Variants in KNTC1 observed in about 807,000 individuals in gnomAD.
KNTC1 encodes the protein kinetochore-associated protein 1.
Under a neutral mutation model 314.4 loss-of-function variants are expected in KNTC1, and 253 were observed. The observed-to-expected ratio is 0.80, with a 90% CI of 0.73 to 0.89. The LOEUF (loss-of-function observed/expected upper bound fraction) is 0.89. Among genes scored for constraint, KNTC1 ranks in the 40% least tolerant of loss-of-function variants. KNTC1 has a pLI of 0.00. For synonymous variants in KNTC1, 901 were observed against 901.4 expected (o/e 1.00, Z 0.01); for missense variants, 2,475 against 2,572.9 (o/e 0.96, Z 0.82).
chr12:122,606,788 G>A lies in KNTC1; in HGVS notation c.5496+1373G>A, dbSNP rs114432807. 8.2e-3 allele frequency among the ~76,000 whole-genome samples: 1,249 copies of A among 151,404 alleles called. 17 individuals carry two copies. Among genetic ancestry groups the A allele is most frequent in the African/African-American group, 0.029 (1,206 of 41,256 alleles). ...TCTCCTCTATAATTGATACTCTTAC[G>A]ATATTTTTCTGAACCATTGGAGAGT... On this transcript the variant is annotated intron_variant, in intron 51 of 63. Transcript: ENST00000333479.
At position 122,617,448 on chromosome 12, in the gene KNTC1, T is replaced by C. The variant is rs1189923958; in HGVS notation, c.6031-895T>C. Reference sequence around the variant, plus strand: ...ATGTTGCCTAGGCTGGTCTTAGAACTCCTGAGCTGAAACAATCCTCCTGCC... The same window carrying C: ...ATGTTGCCTAGGCTGGTCTTAGAACCCCTGAGCTGAAACAATCCTCCTGCC... On this transcript the variant is annotated intron_variant, in intron 57 of 63. Coordinates refer to ENST00000333479, the MANE Select transcript of KNTC1 (RefSeq NM_014708.6). 3 of 445,056 alleles carry C rather than the reference T, an allele frequency of 6.7e-6. 1 individual carries two copies. The highest frequency in any genetic ancestry group is 4.8e-5 in the South Asian group (3 of 62,692). 27.6% of individuals were successfully genotyped at this position (445,056 alleles called of 1,614,324 possible).
rs769780545 is a variant in KNTC1 at position 122,561,914 on chromosome 12, T to C, written c.1489-7T>C. Reference sequence around the variant, plus strand: ...TTCTAACTGTATTTCTTATTATTCTTACTTAGCTTTTGAAGAAAGAAGATA... The same window carrying C: ...TTCTAACTGTATTTCTTATTATTCTCACTTAGCTTTTGAAGAAAGAAGATA... On this transcript the variant is annotated splice_region_variant and splice_polypyrimidine_tract_variant and intron_variant, in intron 18 of 63. Transcript: ENST00000333479. 1.3e-6 allele frequency: 2 copies of C among 1,563,330 alleles called. No homozygotes were observed. The highest frequency in any genetic ancestry group is 1.7e-5 in the Admixed American group (1 of 58,506).
In KNTC1 at chr12:122,543,327, A is replaced by G. The variant is rs140657316; in HGVS notation, c.524-273A>G. ...TGATGGAGCTAGAAACGTAAGAGCTATTCCAAACAGTGAGAAGCACAGGAG... is the reference window on the plus strand; with the variant it reads ...TGATGGAGCTAGAAACGTAAGAGCTGTTCCAAACAGTGAGAAGCACAGGAG... On this transcript the variant is annotated intron_variant, in intron 6 of 63. Transcript: ENST00000333479. Among the ~76,000 whole-genome samples the G allele has an allele frequency of 9.2e-5, 14 of 152,374 alleles. No individual in the cohort carries two copies. The East Asian group carries it at 2.5e-3, about 27-fold the overall frequency.
At chr12:122,534,596 C>G in intron 2 of KNTC1, 68 bp from the exon 3 acceptor site, 1 of 1,413,186 alleles carries the variant, frequency 7.1e-7, no homozygotes, top group Non-Finnish European at 9.7e-7. Flanking sequence ...TTTGATGATA[C>G]TATTGATAAG....
intron 45 of KNTC1, 74 bp from the exon 46 acceptor site, chr12:122,602,495 T>A: frequency 1.1e-6 from 1 of 887,696 alleles, no homozygotes; most frequent in Non-Finnish European, 1.7e-6. Flanking sequence ...TTTGATGGTA[T>A]ACTATTAGAT....
intron 51 of KNTC1, among the ~76,000 whole-genome samples, chr12:122,606,686 T>C (rs1331368453): frequency 1.3e-5 from 2 of 152,124 alleles, no homozygotes; most frequent in Non-Finnish European, 2.9e-5. Context: ...AATGCAAAAA[T>C]AGTAAAAAAA....
chr12:122,610,469 T>C (rs551228717), intron 52 of KNTC1, among the ~76,000 whole-genome samples: 20 of 152,344 alleles, frequency 1.3e-4, no homozygotes, highest in Non-Finnish European at 2.8e-4. Context: ...AACAAGGTCC[T>C]GCATACCAAA....
intron 3 of KNTC1, among the ~76,000 whole-genome samples, chr12:122,535,218 A>G (rs1051237883): frequency 6.6e-6 from 1 of 152,184 alleles, no homozygotes; most frequent in Non-Finnish European, 1.5e-5. Flanking sequence ...AGTACATGCA[A>G]ATGTGGATTT....
At chr12:122,555,932 C>T (rs1018728804) in intron 16 of KNTC1, among the ~76,000 whole-genome samples, 2 of 152,124 alleles carry the variant, frequency 1.3e-5, no homozygotes, top group African/African-American at 4.8e-5. Context: ...TTACATTGTG[C>T]AATGATTAAA....
In KNTC1 at chr12:122,621,933, A is replaced by C; in HGVS notation, c.6332A>C (p.His2111Pro). Residue 2111 changes from histidine (H) to proline (P), a missense_variant, in exon 61 of 64, where the codon CAT becomes CCT. Physicochemically the swap from His to Pro is moderately conservative, Grantham distance 77. Transcript: ENST00000333479. ...GTTATTTTAAAGCAATTGGAAGAGC[A>C]TATGAACACGGGCCAGCTAGCAGGA... is the stretch of plus-strand genomic sequence containing the variant. ...PQVILKQLEE[H>P]MNTGQLAGFS... 6.2e-7 allele frequency: 1 copy of C among 1,609,910 alleles called. No homozygotes were observed.
At chr12:122,607,132 T>TAGCTC (rs1310477766) in intron 51 of KNTC1, among the ~76,000 whole-genome samples, 10 of 152,124 alleles carry the variant, frequency 6.6e-5, no homozygotes, top group African/African-American at 2.4e-4. Flanking sequence ...GGTACAATAT[T>TAGCTC]AGCTCACTGC....
chr12:122,620,619 C>T lies in KNTC1; in HGVS notation c.6279+11C>T. On this transcript the variant is annotated intron_variant, in intron 60 of 63. Transcript: ENST00000333479. ...CACCAGCAAATTAAGGTATCGTGCACATGATTCCTCTGGGCTGCCAAGGAA... is the reference window on the plus strand; with the variant it reads ...CACCAGCAAATTAAGGTATCGTGCATATGATTCCTCTGGGCTGCCAAGGAA... The T allele has an allele frequency of 6.2e-7, 1 of 1,611,518 alleles. No individual in the cohort carries two copies.
intron 59 of KNTC1, 24 bp downstream of exon 59, chr12:122,618,569 A>G: frequency 2.6e-6 from 1 of 379,906 alleles, no homozygotes; most frequent in Non-Finnish European, 3.9e-6. Flanking sequence ...TTGTTCTACC[A>G]AAAAAAAAAA....
chr12:122,573,131 T>G lies in KNTC1; in HGVS notation c.2140-11T>G. On this transcript the variant is annotated splice_polypyrimidine_tract_variant and intron_variant, in intron 25 of 63. Transcript: ENST00000333479. Reference sequence around the variant, plus strand: ...AGTCTGTATTTATTCCATCTTTCTTTTGGCATCCAGGAAAATACAACCACC... The same window carrying G: ...AGTCTGTATTTATTCCATCTTTCTTGTGGCATCCAGGAAAATACAACCACC... 1.9e-6 allele frequency: 3 copies of G among 1,613,814 alleles called. No individual in the cohort carries two copies. The South Asian group carries it at 3.3e-5, about 18-fold the overall frequency.
At chr12:122,538,299 T>G in intron 3 of KNTC1, 40 bp from the exon 4 acceptor site, 4 of 1,176,520 alleles carry the variant, frequency 3.4e-6, no homozygotes, top group Non-Finnish European at 4.9e-6. Flanking sequence ...AAAATAAAGA[T>G]TTTCGAAGGA....
intron 18 of KNTC1, among the ~76,000 whole-genome samples, chr12:122,559,360 A>T (rs769231997): frequency 1.6e-4 from 24 of 152,230 alleles, no homozygotes; most frequent in South Asian, 8.3e-4. Context: ...AAAATAAAAA[A>T]AAATCTTCAG....
intron 12 of KNTC1, among the ~76,000 whole-genome samples, chr12:122,548,813 C>T (rs770106713): frequency 7.2e-5 from 11 of 151,760 alleles, no homozygotes; most frequent in Non-Finnish European, 2.9e-5. Flanking sequence ...ACTAAAAATA[C>T]AAAAATTAGC....
At chr12:122,544,313 T>A in intron 8 of KNTC1, 44 bp downstream of exon 8, 1 of 941,112 alleles carries the variant, frequency 1.1e-6, no homozygotes, top group Non-Finnish European at 1.6e-6. Flanking sequence ...CCTAAAGCAT[T>A]TTCTCAGAAA....
intron 61 of KNTC1, 94 bp downstream of exon 61, chr12:122,622,064 G>A: frequency 2.3e-6 from 2 of 854,818 alleles, no homozygotes; most frequent in South Asian, 1.6e-5. Context: ...AAACTGCTAT[G>A]TCTAGCTGTT....
Sources: allele counts gnomAD v4.1 joint callset (sites outside exome capture counted in the v4.1 genomes callset), GRCh38; gene constraint gnomAD v4.1.1; transcripts MANE v1.5; gene names NCBI Gene and HGNC (gene_info 2026-07-23, HGNC 2026-07-21).